Variants in NBPF10 observed in about 807,000 individuals in gnomAD.
NBPF10 encodes NBPF family member NBPF10.
In NBPF10, 63 loss-of-function variants were observed where a neutral mutation model predicts 77.9. The observed-to-expected ratio is 0.81, with a 90% CI of 0.66 to 1.00. NBPF10 has a LOEUF of 1.00. Ranked by LOEUF, NBPF10 falls within the 50% of genes least tolerant of loss-of-function variation. The pLI is 0.00. For synonymous variants in NBPF10, 146 were observed against 264.5 expected, an observed-to-expected ratio of 0.55 and a Z score of 4.35; for missense variants, 522 against 679.8, an observed-to-expected ratio of 0.77 and a Z score of 2.58.
At position 146,122,632 on chromosome 1, in the gene NBPF10, C is replaced by G. The variant is rs1658278442; in HGVS notation, c.2477-241G>C. ...ATCGTTATCTCAATATCATTTGTCC[C>G]AAGTTTGTGCAAACAGTTACGCCAT... On this transcript the variant is annotated intron_variant, in intron 18 of 89. Coordinates refer to ENST00000583866, the Ensembl canonical transcript of NBPF10. 1.2e-4 allele frequency among the ~76,000 whole-genome samples: 2 copies of G among 16,654 alleles called. 1 individual carries two copies. Among genetic ancestry groups the G allele is most frequent in the Non-Finnish European group, 2.2e-4 (2 of 8,996 alleles). The allele number at this position is 16,654 out of a possible 152,430, so 10.9% of individuals were successfully genotyped here. A position where few individuals can be genotyped will look rare whatever the true frequency, so the allele number is the denominator to read the frequency against.
At chr1:146,066,417 C>T in exon 90 of NBPF10, 2 of 820,852 alleles carry the variant, frequency 2.4e-6, no homozygotes, top group East Asian at 2.7e-5. Flanking sequence ...AGCTGATGTG[C>T]TGTTCCTCAA....
In NBPF10 at chr1:146,126,548, T is replaced by C. The variant is rs1360974620; in HGVS notation, c.1854-140A>G. On this transcript the variant is annotated intron_variant, in intron 13 of 89. Transcript: ENST00000583866. Reference sequence around the variant, plus strand: ...ATTAATGAGGTAACAAATTATTGCCTTTATGTTGGGATTGACTAGGGCCAG... The same window carrying C: ...ATTAATGAGGTAACAAATTATTGCCCTTATGTTGGGATTGACTAGGGCCAG... 4.2e-6 allele frequency: 3 copies of C among 711,176 alleles called. No homozygotes were observed. In the African/African-American group the frequency reaches 5.3e-5, roughly 13 times the overall value. 44.1% of individuals were successfully genotyped at this position (711,176 alleles called of 1,614,324 possible).
chr1:146,080,986 C>A (rs1214135222), intron 71 of NBPF10, among the ~76,000 whole-genome samples: 72 of 79,336 alleles, frequency 9.1e-4, no homozygotes, highest in African/African-American at 2.3e-3. Flanking sequence ...CACACACACA[C>A]ACACACACAC....
chr1:146,064,784 AC>A (rs1302741575), exon 90 of NBPF10: 1 of 69,744 alleles, frequency 1.4e-5, no homozygotes, highest in Non-Finnish European at 2.8e-5. Context: ...AATGTAAAAA[AC>A]AATCCAAAAG....
chr1:146,130,547 C>T (rs1244494391), intron 11 of NBPF10, among the ~76,000 whole-genome samples: 471 of 21,634 alleles, frequency 0.022, 10 homozygotes, highest in African/African-American at 0.048. Flanking sequence ...TATTTCTCCA[C>T]ATCCTCTCCA....
chr1:146,069,205 G>C (rs200403298), intron 86 of NBPF10, among the ~76,000 whole-genome samples: 1 of 85,848 alleles, frequency 1.2e-5, no homozygotes, highest in Non-Finnish European at 2.4e-5. Flanking sequence ...GATTGTAGAC[G>C]CTGAAATTAG....
rs1277427500 is a variant in NBPF10, at chr1:146,081,013, A to G, written c.8892-236T>C. Among the ~76,000 whole-genome samples the G allele has an allele frequency of 1.1e-3, 85 of 79,866 alleles. 1 individual carries two copies. The highest frequency in any genetic ancestry group is 6.1e-3 in the Middle Eastern group (1 of 164). The allele number at this position is 79,866 out of a possible 152,430, so 52.4% of individuals were successfully genotyped here. ...CACACACACACACACACACACACAC[A>G]CACACACACACACACACAGAGAGAG... On this transcript the variant is annotated intron_variant, in intron 71 of 89. Coordinates refer to ENST00000583866, the Ensembl canonical transcript of NBPF10.
chr1:146,142,773 C>G lies in NBPF10; in HGVS notation c.176-21G>C, dbSNP rs782258371. 8 of 1,318,866 alleles carry G rather than the reference C, an allele frequency of 6.1e-6. 1 individual carries two copies. The East Asian group carries it at 2.0e-4, about 33-fold the overall frequency. The allele number at this position is 1,318,866 out of a possible 1,614,324, so 81.7% of individuals were successfully genotyped here. A position where few individuals can be genotyped will look rare whatever the true frequency, so the allele number is the denominator to read the frequency against. ...ATACTCTGAAAAAAGACAGACACGC[C>G]TGCCTCAGTGGAAGGCTGGACATGC... is the stretch of plus-strand genomic sequence containing the variant. On this transcript the variant is annotated intron_variant, in intron 1 of 89. Coordinates refer to ENST00000583866, the Ensembl canonical transcript of NBPF10.
chr1:146,080,998 C>G (rs1388435062), intron 71 of NBPF10, among the ~76,000 whole-genome samples: 1,143 of 78,658 alleles, frequency 0.015, 10 homozygotes, highest in African/African-American at 0.037. Flanking sequence ...CACACACACA[C>G]ACACACACAC....
At chr1:146,138,778 T>TTTTTTGG in intron 5 of NBPF10, among the ~76,000 whole-genome samples, 1 of 133,616 alleles carries the variant, frequency 7.5e-6, no homozygotes, top group African/African-American at 2.6e-5. Context: ...AATTTTTTTC[T>TTTTTTGG]TTTTTGGTTT....
rs587631227 is a variant in NBPF10 at position 146,069,499 on chromosome 1, G to A, written c.10810+44C>T. ...TGCAGTAGGAATATGACCCTAACCA[G>A]AAGACTCAGTGGATCCTTATCACCT... On this transcript the variant is annotated intron_variant, in intron 86 of 89. Transcript: ENST00000583866. 3,119 of 797,564 alleles carry A rather than the reference G, an allele frequency of 3.9e-3. 17 individuals carry two copies. Among genetic ancestry groups the A allele is most frequent in the Non-Finnish European group, 5.2e-3 (2,591 of 498,046 alleles). The allele number at this position is 797,564 out of a possible 1,614,324, so 49.4% of individuals were successfully genotyped here.
At chr1:146,133,030 A>C (rs1659353928) in intron 10 of NBPF10, among the ~76,000 whole-genome samples, 1 of 16,732 alleles carries the variant, frequency 6.0e-5, no homozygotes, top group East Asian at 7.6e-4. Flanking sequence ...TCAGCAAAGT[A>C]AAGAAGAAAA....
At chr1:146,067,580 T>G in intron 88 of NBPF10, among the ~76,000 whole-genome samples, 1 of 150,450 alleles carries the variant, frequency 6.6e-6, no homozygotes, top group East Asian at 2.0e-4. Context: ...GTAAAGCAAA[T>G]ACCCTCAATG....
exon 14 of NBPF10, chr1:146,126,382 T>A (rs1553789955): frequency 7.3e-7 from 1 of 1,364,406 alleles, no homozygotes; most frequent in African/African-American, 1.5e-5. Flanking sequence ...TTCAGGCCCT[T>A]TCTCATCCAG....
chr1:146,125,608 G>C (rs1349562765), intron 14 of NBPF10, 92 bp from the exon 15 acceptor site: 34 of 536,976 alleles, frequency 6.3e-5, no homozygotes, highest in African/African-American at 1.7e-4. Flanking sequence ...GGGACTTCAG[G>C]CTCCTCAGCA....
At position 146,132,989 on chromosome 1, in the gene NBPF10, C is replaced by A. The variant is rs1275282197; in HGVS notation, c.1585+534G>T. ...GCCATTGCATTGACAGGGTGGAGAA[C>A]CAGGGTCCAGCCTTGCTTTATGGAA... is the stretch of plus-strand genomic sequence containing the variant. On this transcript the variant is annotated intron_variant, in intron 10 of 89. Transcript: ENST00000583866. Among the ~76,000 whole-genome samples, 105 of 16,438 alleles carry A rather than the reference C, an allele frequency of 6.4e-3. 2 individuals are homozygous for A. Among genetic ancestry groups the A allele is most frequent in the African/African-American group, 0.015 (105 of 6,898 alleles). The allele number at this position is 16,438 out of a possible 152,430, so 10.8% of individuals were successfully genotyped here. A position where few individuals can be genotyped will look rare whatever the true frequency, so the allele number is the denominator to read the frequency against.
In NBPF10 at chr1:146,135,533, C is replaced by T. The variant is rs199528759; in HGVS notation, c.1092-12G>A. 313 of 787,136 alleles carry T rather than the reference C, an allele frequency of 4.0e-4. 31 individuals carry two copies. The highest frequency in any genetic ancestry group is 3.3e-4 in the Middle Eastern group (1 of 2,998). 48.8% of individuals were successfully genotyped at this position (787,136 alleles called of 1,614,324 possible). A position where few individuals can be genotyped will look rare whatever the true frequency, so the allele number is the denominator to read the frequency against. ...GGACTTTATATTGCCTAAGGTGAGACGGTAGAGAAAATTTAAGAGTGGAAA... is the reference window on the plus strand; with the variant it reads ...GGACTTTATATTGCCTAAGGTGAGATGGTAGAGAAAATTTAAGAGTGGAAA... On this transcript the variant is annotated splice_polypyrimidine_tract_variant and intron_variant, in intron 7 of 89. Coordinates refer to ENST00000583866, the Ensembl canonical transcript of NBPF10.
chr1:146,066,498 A>T lies in NBPF10; in HGVS notation c.11208T>A (p.Cys3736Ter), dbSNP rs782660387. ...CAAAGTACATTGACGGAGTCGAATA[A>T]CATCTATCCAGTGAGTCCTGTAAGA... The change falls in exon 90 of 90, where the codon TGT (cysteine) becomes TGA (stop). Residue 3736 changes from cysteine to a stop codon, truncating the protein, a stop_gained. Transcript: ENST00000583866. LOFTEE classifies it high-confidence loss of function. The T allele has an allele frequency of 1.4e-6, 1 of 705,002 alleles. No homozygotes were observed. Among genetic ancestry groups the T allele is most frequent in the Non-Finnish European group, 2.2e-6 (1 of 456,932 alleles). The allele number at this position is 705,002 out of a possible 1,614,324, so 43.7% of individuals were successfully genotyped here. A position where few individuals can be genotyped will look rare whatever the true frequency, so the allele number is the denominator to read the frequency against.
chr1:146,123,619 G>A (rs1658346843), intron 17 of NBPF10, among the ~76,000 whole-genome samples: 1 of 78,924 alleles, frequency 1.3e-5, no homozygotes, highest in African/African-American at 7.5e-5. Flanking sequence ...AGGACACACA[G>A]CATACAGGGA....
Sources: gnomAD v4.1 joint callset for allele counts (sites outside exome capture counted in the v4.1 genomes callset) on GRCh38, gnomAD v4.1.1 for gene constraint, MANE v1.5 for transcripts, NCBI Gene and HGNC (gene_info 2026-07-23, HGNC 2026-07-21) for gene names.